LIPC: variants seen among roughly 807,000 people sequenced by gnomAD.
LIPC encodes lipase C, hepatic type, also known as hepatic triacylglycerol lipase.
LIPC carries 44 observed loss-of-function variants against 50.7 expected under a neutral mutation model. The ratio of observed to expected loss-of-function variants is 0.87; its 90% CI spans 0.68 to 1.11. The LOEUF (loss-of-function observed/expected upper bound fraction) is 1.11, where lower values mean the gene tolerates loss of function less well. Ranked by LOEUF, LIPC falls within the 50% of genes most tolerant of loss-of-function variation. The pLI is 0.00. For synonymous variants in LIPC, 271 were observed against 256.4 expected (o/e 1.06, Z -0.54); for missense variants, 697 against 648.2 (o/e 1.08, Z -0.82).
intron 1 of LIPC, among the ~76,000 whole-genome samples, chr15:58,535,750 T>C (rs1211452933): frequency 6.6e-6 from 1 of 152,246 alleles, no homozygotes; most frequent in African/African-American, 2.4e-5. Context: ...TTTACAAATA[T>C]CTTATTTAAT....
intron 1 of LIPC, among the ~76,000 whole-genome samples, chr15:58,434,195 G>A (rs1334957565): frequency 6.6e-6 from 1 of 151,874 alleles, no homozygotes; most frequent in Non-Finnish European, 1.5e-5. Context: ...TGAATTGTCT[G>A]GCCCAAAACA....
At chr15:58,439,250 G>A (rs938609711) in intron 1 of LIPC, among the ~76,000 whole-genome samples, 5 of 152,106 alleles carry the variant, frequency 3.3e-5, no homozygotes, top group African/African-American at 9.7e-5. Context: ...TTATACGTCC[G>A]TTGAGTTTGT....
intron 1 of LIPC, among the ~76,000 whole-genome samples, chr15:58,477,275 T>C (rs1891032813): frequency 6.6e-6 from 1 of 152,174 alleles, no homozygotes. Flanking sequence ...AAAGCACTTC[T>C]GAGGGAAGCT....
intron 1 of LIPC, among the ~76,000 whole-genome samples, chr15:58,434,613 C>T (rs1337176220): frequency 2.0e-5 from 3 of 152,222 alleles, no homozygotes; most frequent in Non-Finnish European, 4.4e-5. Context: ...CAGTTCCTCT[C>T]ACAGAGAGGG....
intron 1 of LIPC, among the ~76,000 whole-genome samples, chr15:58,457,619 T>A (rs1337724798): frequency 6.6e-6 from 1 of 152,242 alleles, no homozygotes; most frequent in Non-Finnish European, 1.5e-5. Flanking sequence ...ATCTTCTCCA[T>A]AAAGCTTTCT....
At chr15:58,515,939 T>C (rs1892472173) in intron 1 of LIPC, among the ~76,000 whole-genome samples, 1 of 152,136 alleles carries the variant, frequency 6.6e-6, no homozygotes, top group African/African-American at 2.4e-5. Context: ...TTCCATTACT[T>C]CATCTCACTT....
intron 2 of LIPC, among the ~76,000 whole-genome samples, chr15:58,538,912 C>A (rs1443228223): frequency 1.3e-5 from 2 of 152,186 alleles, no homozygotes; most frequent in Non-Finnish European, 2.9e-5. Context: ...GGTTTAAGTT[C>A]AGCAGCAAAT....
intron 1 of LIPC, among the ~76,000 whole-genome samples, chr15:58,525,992 C>T (rs116083692): frequency 1.9e-3 from 286 of 152,300 alleles, no homozygotes; most frequent in African/African-American, 6.6e-3. Context: ...CATGAGGAAA[C>T]CATCTGTAAA....
chr15:58,566,393 C>T, intron 8 of LIPC: 2 of 985,336 alleles, frequency 2.0e-6, no homozygotes, highest in South Asian at 9.4e-5. Context: ...TCTGTGTAGC[C>T]TCAAACAATA....
In LIPC at chr15:58,548,336, C is replaced by T. The variant is rs148453176; in HGVS notation, c.815C>T (p.Thr272Ile). ...TTCTTGCCCTGTGTTCCAGCCATCA[C>T]CCAGACCATAAAATGCTCCCACGAG... ...HIAQHGFNAITQTIKCSHERS... is the reference protein window; with the variant it reads ...HIAQHGFNAIIQTIKCSHERS... The change falls in exon 6 of 9, where the codon ACC becomes ATC. Residue 272 changes from threonine to isoleucine, a missense_variant. By Grantham distance (89) the Thr-to-Ile change is moderately conservative. Transcript: ENST00000299022. 1.6e-4 allele frequency: 261 copies of T among 1,614,092 alleles called. 1 individual carries two copies. In the African/African-American group the frequency reaches 2.8e-3, roughly 17 times the overall value.
intron 2 of LIPC, among the ~76,000 whole-genome samples, chr15:58,540,154 A>T (rs1893272700): frequency 6.6e-6 from 1 of 152,234 alleles, no homozygotes; most frequent in Non-Finnish European, 1.5e-5. Flanking sequence ...TAAAGATCAA[A>T]TGAATGAGTC....
intron 6 of LIPC, among the ~76,000 whole-genome samples, chr15:58,549,582 G>A (rs1235028978): frequency 6.6e-6 from 1 of 152,344 alleles, no homozygotes; most frequent in South Asian, 2.1e-4. Context: ...CAGCTGTAAG[G>A]AGACCTGGAA....
At chr15:58,489,584 G>C (rs375105401) in intron 1 of LIPC, among the ~76,000 whole-genome samples, 2 of 152,140 alleles carry the variant, frequency 1.3e-5, no homozygotes, top group Non-Finnish European at 2.9e-5. Context: ...CCTCAAGTCC[G>C]GATGTAGTCA....
chr15:58,457,652 G>T (rs1192680300), intron 1 of LIPC, among the ~76,000 whole-genome samples: 1 of 152,188 alleles, frequency 6.6e-6, no homozygotes, highest in Non-Finnish European at 1.5e-5. Flanking sequence ...GCATCATTTT[G>T]TGGTCAACTA....
chr15:58,487,505 G>A (rs1891419605), intron 1 of LIPC, among the ~76,000 whole-genome samples: 1 of 152,150 alleles, frequency 6.6e-6, no homozygotes, highest in South Asian at 2.1e-4. Context: ...GCAATAGACG[G>A]CCCCTTAATA....
At chr15:58,519,750 T>C (rs1484050305) in intron 1 of LIPC, among the ~76,000 whole-genome samples, 1 of 152,234 alleles carries the variant, frequency 6.6e-6, no homozygotes, top group Non-Finnish European at 1.5e-5. Flanking sequence ...TTGTGTCTCC[T>C]CCGGAGTTAT....
chr15:58,455,590 C>T (rs1406992439), intron 1 of LIPC, among the ~76,000 whole-genome samples: 5 of 152,150 alleles, frequency 3.3e-5, no homozygotes, highest in African/African-American at 9.7e-5. Context: ...TTCAATGTGT[C>T]CTTATTTCAT....
intron 1 of LIPC, among the ~76,000 whole-genome samples, chr15:58,455,986 A>T (rs1434633892): frequency 2.0e-5 from 3 of 152,060 alleles, no homozygotes. Flanking sequence ...CAAGGAAGGG[A>T]AGGGGGTCAG....
chr15:58,567,329 ATATATATATGTATATG>A (rs1484771323), intron 8 of LIPC, among the ~76,000 whole-genome samples: 3,269 of 23,336 alleles, frequency 0.14, 61 homozygotes, highest in East Asian at 0.27. Flanking sequence ...ATGTGTATAT[ATATATATATGTATATG>A]TATATATATA....
Sources: gnomAD v4.1 joint callset for allele counts (sites outside exome capture counted in the v4.1 genomes callset) on GRCh38, gnomAD v4.1.1 for gene constraint, MANE v1.5 for transcripts, NCBI Gene and HGNC (gene_info 2026-07-23, HGNC 2026-07-21) for gene names.